ALCAM: variants seen among roughly 807,000 people sequenced by gnomAD.
The protein encoded by ALCAM is activated leukocyte cell adhesion molecule.
Under a neutral mutation model 70.9 loss-of-function variants are expected in ALCAM, and 30 were observed. The ratio of observed to expected loss-of-function variants is 0.42; its 90% CI spans 0.32 to 0.57. The LOEUF (loss-of-function observed/expected upper bound fraction) is 0.57, where lower values mean the gene tolerates loss of function less well. Among genes scored for constraint, ALCAM ranks in the 20% least tolerant of loss-of-function variants. The probability of loss-of-function intolerance (pLI) is 0.11; values close to 1 mark genes in which losing one functional copy is unlikely to be tolerated. For missense variants in ALCAM, 591 were observed against 695.1 expected, an observed-to-expected ratio of 0.85 and a Z score of 1.68; for synonymous variants, 249 against 242.5, an observed-to-expected ratio of 1.03 and a Z score of -0.25.
intron 1 of ALCAM, among the ~76,000 whole-genome samples, chr3:105,420,035 T>TA (rs35793207): frequency 2.6e-5 from 4 of 151,618 alleles, no homozygotes; most frequent in South Asian, 2.1e-4. Flanking sequence ...CAAGCACAAA[T>TA]AAAAAAACCG....
At chr3:105,453,117 T>A (rs1013780670) in intron 1 of ALCAM, among the ~76,000 whole-genome samples, 1 of 152,238 alleles carries the variant, frequency 6.6e-6, no homozygotes, top group Admixed American at 6.5e-5. Flanking sequence ...TTGCAATTAC[T>A]TTTAGCATTT....
chr3:105,459,795 A>G (rs1937579032), intron 1 of ALCAM, among the ~76,000 whole-genome samples: 1 of 152,044 alleles, frequency 6.6e-6, no homozygotes, highest in African/African-American at 2.4e-5. Flanking sequence ...ACATTTAAAG[A>G]AGGAATTACA....
At chr3:105,478,128 C>A (rs141174588) in intron 1 of ALCAM, among the ~76,000 whole-genome samples, 1 of 151,900 alleles carries the variant, frequency 6.6e-6, no homozygotes, top group African/African-American at 2.4e-5. Flanking sequence ...AATTTTTTAT[C>A]GTATCCTTGA....
intron 2 of ALCAM, 115 bp downstream of exon 2, chr3:105,520,282 A>G (rs1188434799): frequency 1.4e-6 from 1 of 712,744 alleles, no homozygotes; most frequent in Non-Finnish European, 2.4e-6. Flanking sequence ...AACTGTGAGT[A>G]CAAATGTAGG....
intron 1 of ALCAM, among the ~76,000 whole-genome samples, chr3:105,370,377 C>T (rs1259551934): frequency 1.3e-5 from 2 of 152,072 alleles, no homozygotes; most frequent in African/African-American, 4.8e-5. Flanking sequence ...CAGTAAATTG[C>T]TTTTCTAGGC....
At chr3:105,403,382 G>A (rs1163384976) in intron 1 of ALCAM, among the ~76,000 whole-genome samples, 2 of 152,120 alleles carry the variant, frequency 1.3e-5, no homozygotes, top group Non-Finnish European at 2.9e-5. Context: ...AGCAGGCTGC[G>A]AGACCTGAAA....
chr3:105,417,366 T>G (rs2107407630), intron 1 of ALCAM, among the ~76,000 whole-genome samples: 1 of 151,958 alleles, frequency 6.6e-6, no homozygotes, highest in Middle Eastern at 3.4e-3. Context: ...TTAAGTTCCT[T>G]GAAAATAGAG....
At chr3:105,408,014 A>G (rs1936293138) in intron 1 of ALCAM, among the ~76,000 whole-genome samples, 2 of 152,122 alleles carry the variant, frequency 1.3e-5, no homozygotes, top group South Asian at 4.1e-4. Flanking sequence ...AGGACGTGAA[A>G]GACCTTACAA....
At chr3:105,398,288 C>T (rs1936003663) in intron 1 of ALCAM, among the ~76,000 whole-genome samples, 1 of 151,968 alleles carries the variant, frequency 6.6e-6, no homozygotes, top group Non-Finnish European at 1.5e-5. Context: ...TGCAGCTCCC[C>T]CTCTTTCATT....
intron 1 of ALCAM, among the ~76,000 whole-genome samples, chr3:105,427,126 A>G (rs1049320393): frequency 2.6e-5 from 4 of 151,940 alleles, no homozygotes; most frequent in African/African-American, 9.7e-5. Flanking sequence ...TTCGGTTCTT[A>G]GAAATCCCAT....
chr3:105,540,534 G>A (rs1318652869), intron 7 of ALCAM, among the ~76,000 whole-genome samples: 1 of 151,914 alleles, frequency 6.6e-6, no homozygotes, highest in African/African-American at 2.4e-5. Context: ...ATAATGCTAT[G>A]GCTCTTTTTT....
intron 6 of ALCAM, among the ~76,000 whole-genome samples, chr3:105,536,765 T>C (rs920124385): frequency 6.6e-6 from 1 of 152,072 alleles, no homozygotes; most frequent in Non-Finnish European, 1.5e-5. Context: ...AAATTGCCAA[T>C]GCAAGGTTGT....
Position 105,450,299 on chromosome 3 carries a change from C to T in ALCAM, c.74-69768C>T, listed in dbSNP as rs1937396603. On this transcript the variant is annotated intron_variant, in intron 1 of 15. Transcript: ENST00000306107. ...TTTTCTCTTACTATTGTCTGATACT[C>T]CGGATAATTCCTCAGCATTACTCCC... is the stretch of plus-strand genomic sequence containing the variant. 2.0e-5 allele frequency among the ~76,000 whole-genome samples: 3 copies of T among 152,224 alleles called. 1 individual carries two copies. The highest frequency in any genetic ancestry group is 3.9e-4 in the East Asian group (2 of 5,168).
chr3:105,396,526 G>A (rs73177489), intron 1 of ALCAM, among the ~76,000 whole-genome samples: 16,930 of 152,002 alleles, frequency 0.11, 1,064 homozygotes, highest in Middle Eastern at 0.17. Flanking sequence ...TTCCTAAAAG[G>A]TAGAAACAAA....
At position 105,567,678 on chromosome 3, in the gene ALCAM, T is replaced by C. The variant is rs144349781; in HGVS notation, c.1665-4174T>C. On this transcript the variant is annotated intron_variant, in intron 14 of 15. Coordinates refer to ENST00000306107, the MANE Select transcript of ALCAM (RefSeq NM_001627.4). ...CTGATATTTCCATCTGCTCTCTCAT[T>C]GTTACCAAATTTTCCTTTAAGCCAT... 3.6e-3 allele frequency among the ~76,000 whole-genome samples: 549 copies of C among 152,324 alleles called. 1 individual carries two copies. Among genetic ancestry groups the C allele is most frequent in the Non-Finnish European group, 4.6e-3 (310 of 68,026 alleles).
chr3:105,382,502 G>C (rs1205234689), intron 1 of ALCAM, among the ~76,000 whole-genome samples: 1 of 152,158 alleles, frequency 6.6e-6, no homozygotes. Context: ...CTAGATACCT[G>C]AGGACTCCCC....
chr3:105,420,013 T>G (rs1160039796), intron 1 of ALCAM, among the ~76,000 whole-genome samples: 1 of 151,764 alleles, frequency 6.6e-6, no homozygotes, highest in Non-Finnish European at 1.5e-5. Context: ...AGATAAAGAC[T>G]TTTTATATAT....
chr3:105,509,898 A>G (rs1211628411), intron 1 of ALCAM, among the ~76,000 whole-genome samples: 1 of 151,918 alleles, frequency 6.6e-6, no homozygotes, highest in African/African-American at 2.4e-5. Context: ...CATTTTTTGT[A>G]TATTTTTTAT....
chr3:105,396,302 G>A (rs1935949019), intron 1 of ALCAM, among the ~76,000 whole-genome samples: 1 of 151,934 alleles, frequency 6.6e-6, no homozygotes, highest in Admixed American at 6.6e-5. Flanking sequence ...GAGAGAAATA[G>A]GAGGTTTAGG....
Sources: allele counts gnomAD v4.1 joint callset (sites outside exome capture counted in the v4.1 genomes callset), GRCh38; gene constraint gnomAD v4.1.1; transcripts MANE v1.5; gene names NCBI Gene and HGNC (gene_info 2026-07-23, HGNC 2026-07-21).